The following ZNF337 variants were observed in gnomAD, a reference collection of about 807,000 sequenced individuals.
ZNF337 encodes zinc finger protein 337.
In ZNF337, 8 loss-of-function variants were observed where a neutral mutation model predicts 12.1. The ratio of observed to expected loss-of-function variants is 0.66; its 90% CI spans 0.39 to 1.19. The LOEUF is 1.19. Among genes scored for constraint, ZNF337 ranks in the 50% most tolerant of loss-of-function variants. The probability of loss-of-function intolerance (pLI) is 0.01; values close to 1 mark genes in which losing one functional copy is unlikely to be tolerated. For missense variants in ZNF337, 882 were observed against 896.6 expected, an observed-to-expected ratio of 0.98 and a Z score of 0.21; for synonymous variants, 336 against 320.0, an observed-to-expected ratio of 1.05 and a Z score of -0.53.
At chr20:25,690,210 T>C (rs540268587) in intron 1 of ZNF337, among the ~76,000 whole-genome samples, 1 of 152,276 alleles carries the variant, frequency 6.6e-6, no homozygotes, top group Non-Finnish European at 1.5e-5. Flanking sequence ...GAGGCAGCAA[T>C]GAGCCTTGAA....
In ZNF337 at chr20:25,685,651, A is replaced by G; in HGVS notation, c.166T>C (p.Ser56Pro). The G allele has an allele frequency of 6.2e-7, 1 of 1,613,950 alleles. No individual in the cohort carries two copies. The highest frequency in any genetic ancestry group is 2.2e-5 in the East Asian group (1 of 44,864). The change falls in exon 4 of 5, where the codon TCT becomes CCT. Residue 56 changes from serine (S) to proline (P), a missense_variant. Physicochemically the swap from Ser to Pro is moderately conservative, Grantham distance 74. Coordinates refer to ENST00000252979, the MANE Select transcript of ZNF337 (RefSeq NM_015655.4). The part of the protein sequence containing the change: ...SHLVSLGILH[S>P]KPELIRRLEQ... ...AGCCGCCTGATGAGTTCTGGTTTAG[A>G]ATGGAGAATTCCTGCTCACAGGGAA... is the stretch of plus-strand genomic sequence containing the variant.
At chr20:25,692,283 G>C (rs1380322098) in intron 1 of ZNF337, among the ~76,000 whole-genome samples, 1 of 152,192 alleles carries the variant, frequency 6.6e-6, no homozygotes, top group Admixed American at 6.5e-5. Flanking sequence ...GGTAATGAGT[G>C]AAATTAATAC....
At position 25,675,129 on chromosome 20, in the gene ZNF337, C is replaced by T. The variant is rs35755622; in HGVS notation, c.2159G>A (p.Arg720Gln). ...ERPYECQECGRKFSNKSYYSK... is the reference protein window; with the variant it reads ...ERPYECQECGQKFSNKSYYSK... ...GTAGTATGACTTATTGCTAAACTTT[C>T]GTCCACACTCTTGGCATTCATAAGG... Residue 720 changes from arginine to glutamine, a missense_variant, in exon 5 of 5, where the codon CGA (arginine) becomes CAA (glutamine). Arg to Gln is a conservative substitution (Grantham distance 43). Coordinates refer to ENST00000252979, the MANE Select transcript of ZNF337 (RefSeq NM_015655.4). The T allele has an allele frequency of 1.1e-3, 1,709 of 1,614,140 alleles. 11 individuals are homozygous for T. The African/African-American group carries it at 0.02, about 19-fold the overall frequency.
In ZNF337 at chr20:25,686,462, C is replaced by T. The variant is rs1185995704; in HGVS notation, c.-45G>A. 4 of 1,611,220 alleles carry T rather than the reference C, an allele frequency of 2.5e-6. No individual in the cohort carries two copies. The highest frequency in any genetic ancestry group is 3.4e-6 in the Non-Finnish European group (4 of 1,178,716). On this transcript the variant is annotated 5_prime_UTR_variant, in exon 2 of 5. An upstream open reading frame in the 5' UTR gains an earlier in-frame stop. Transcript: ENST00000252979. Reference sequence around the variant, plus strand: ...ACGGAGAAGGGAAGCTTGCAGATGGCCAATCTGTGGGAGGAGAGAAGTCAG... The same window carrying T: ...ACGGAGAAGGGAAGCTTGCAGATGGTCAATCTGTGGGAGGAGAGAAGTCAG...
intron 4 of ZNF337, among the ~76,000 whole-genome samples, chr20:25,685,194 C>T (rs1204569817): frequency 1.3e-5 from 2 of 150,030 alleles, no homozygotes; most frequent in Non-Finnish European, 3.0e-5. Context: ...TTTACTTACA[C>T]AGAAAAATAA....
chr20:25,681,023 T>C (rs2065762675), intron 4 of ZNF337: 1 of 152,186 alleles, frequency 6.6e-6, no homozygotes, highest in Non-Finnish European at 1.5e-5. Flanking sequence ...AATTCATATG[T>C]TGATGCCTTA....
Position 25,675,824 on chromosome 20 carries a change from A to G in ZNF337, c.1464T>C (p.Tyr488=), listed in dbSNP as rs1459637717. The G allele has an allele frequency of 4.3e-6, 7 of 1,613,624 alleles. No individual in the cohort carries two copies. Among genetic ancestry groups the G allele is most frequent in the South Asian group, 2.2e-5 (2 of 91,044 alleles). ...HQRTHSEEKP[Y]GCRECGRRFR... is the part of the protein sequence containing the mutation. ...ACCTTCGCCCACACTCCCGACATCC[A>G]TAAGGCTTCTCCTCTGAGTGTGTCC... The change falls in exon 5 of 5, where the codon TAT becomes TAC. Residue 488 remains tyrosine, a synonymous_variant. Transcript: ENST00000252979.
intron 1 of ZNF337, among the ~76,000 whole-genome samples, chr20:25,696,139 T>G (rs1415364180): frequency 1.6e-5 from 2 of 126,014 alleles, no homozygotes; most frequent in Non-Finnish European, 3.2e-5. Flanking sequence ...CGAGGACATT[T>G]GGTCCCGGCC....
rs754277330 is a variant in ZNF337, at chr20:25,676,637, A to G, written c.651T>C (p.Phe217=). The change falls in exon 5 of 5, where the codon TTT becomes TTC. Residue 217 remains phenylalanine, a synonymous_variant. Transcript: ENST00000252979. The stretch of plus-strand genomic sequence containing the variant: ...GCAAGAGCAATGCTGACTCATCTCT[A>G]AAGCCCTGGTGACACTCCCTGCATG... ...LFTCRECHQG[F]RDESALLLHQ... The G allele has an allele frequency of 6.2e-7, 1 of 1,614,134 alleles. No homozygotes were observed. The highest frequency in any genetic ancestry group is 8.5e-7 in the Non-Finnish European group (1 of 1,180,022).
Position 25,676,855 on chromosome 20 carries a change from T to C in ZNF337, c.433A>G (p.Arg145Gly). Reference sequence around the variant, plus strand: ...TCTATTTCCACTACACTGTTCCTCCTCCTTGAGCTTACTGCATGTCTTAGG... The same window carrying C: ...TCTATTTCCACTACACTGTTCCTCCCCCTTGAGCTTACTGCATGTCTTAGG... ...PPLRHAVSSR[R>G]RNSVVEIESS... The change falls in exon 5 of 5, where the codon AGG becomes GGG. Residue 145 changes from arginine (R) to glycine (G), a missense_variant. Arg to Gly is a moderately radical substitution (Grantham distance 125). Transcript: ENST00000252979. The C allele has an allele frequency of 1.9e-6, 3 of 1,614,168 alleles. No homozygotes were observed. The highest frequency in any genetic ancestry group is 2.5e-6 in the Non-Finnish European group (3 of 1,180,026).
At position 25,676,530 on chromosome 20, in the gene ZNF337, C is replaced by G. The variant is rs756918266; in HGVS notation, c.758G>C (p.Arg253Thr). ...RGFSLKANLL[R>T]HQRTHSGEKP... ...CTCTCCTGAGTGTGTCCTCTGGTGT[C>G]TGAGGAGGTTGGCCTTGAGGCTGAA... Residue 253 changes from arginine to threonine, a missense_variant, in exon 5 of 5, where the codon AGA (arginine) becomes ACA (threonine). By Grantham distance (71) the Arg-to-Thr change is moderately conservative (BLOSUM62 -1). Coordinates refer to ENST00000252979, the MANE Select transcript of ZNF337 (RefSeq NM_015655.4). The G allele has an allele frequency of 6.2e-6, 10 of 1,613,262 alleles. No individual in the cohort carries two copies. The highest frequency in any genetic ancestry group is 8.5e-6 in the Non-Finnish European group (10 of 1,179,770).
rs1413323220 is a variant in ZNF337, at chr20:25,681,747, A to C, written c.250+3820T>G. On this transcript the variant is annotated intron_variant, in intron 4 of 4. Coordinates refer to ENST00000252979, the MANE Select transcript of ZNF337 (RefSeq NM_015655.4). ...ATTACACAAAGTTATGCATATGTCA[A>C]AGCTCACTGAATGTTACACTTAAGA... Among the ~76,000 whole-genome samples, 14 of 152,208 alleles carry C rather than the reference A, an allele frequency of 9.2e-5. 1 individual carries two copies. The highest frequency in any genetic ancestry group is 1.5e-5 in the Non-Finnish European group (1 of 68,036).
chr20:25,695,677 G>A (rs1272225396), intron 1 of ZNF337, among the ~76,000 whole-genome samples: 8 of 152,154 alleles, frequency 5.3e-5, no homozygotes, highest in African/African-American at 9.7e-5. Context: ...AAGTAGCTGA[G>A]GCCACAGGCA....
chr20:25,693,156 A>C (rs1222152821), intron 1 of ZNF337, among the ~76,000 whole-genome samples: 1 of 152,198 alleles, frequency 6.6e-6, no homozygotes, highest in Non-Finnish European at 1.5e-5. Flanking sequence ...TGCTCACTGC[A>C]ACCTCCATCT....
chr20:25,688,375 A>G (rs1222890483), intron 1 of ZNF337, among the ~76,000 whole-genome samples: 2 of 152,200 alleles, frequency 1.3e-5, no homozygotes, highest in African/African-American at 4.8e-5. Flanking sequence ...TCTGTGAATA[A>G]AAAATTTTTT....
intron 4 of ZNF337, among the ~76,000 whole-genome samples, chr20:25,680,587 ACAGT>A (rs766474675): frequency 2.5e-4 from 38 of 152,206 alleles, no homozygotes; most frequent in Non-Finnish European, 4.4e-4. Flanking sequence ...TGGTACTATG[ACAGT>A]CAATGTGCTT....
At chr20:25,685,884 G>C (rs2065826525) in intron 3 of ZNF337, 112 bp downstream of exon 3, 1 of 1,485,438 alleles carries the variant, frequency 6.7e-7, no homozygotes, top group East Asian at 2.3e-5. Flanking sequence ...ACCAAAGCCA[G>C]ACCTTCCTCA....
At chr20:25,688,308 C>T (rs2065852647) in intron 1 of ZNF337, among the ~76,000 whole-genome samples, 1 of 151,128 alleles carries the variant, frequency 6.6e-6, no homozygotes, top group Admixed American at 6.6e-5. Flanking sequence ...AGTTCCTAAA[C>T]TGTGTGTTAC....
intron 1 of ZNF337, among the ~76,000 whole-genome samples, chr20:25,694,110 G>A (rs527439525): frequency 4.4e-4 from 67 of 152,320 alleles, no homozygotes; most frequent in Admixed American, 2.8e-3. Flanking sequence ...GAATAAGGAA[G>A]TGTTGATATT....
Sources: allele counts gnomAD v4.1 joint callset (sites outside exome capture counted in the v4.1 genomes callset), GRCh38; gene constraint gnomAD v4.1.1; transcripts MANE v1.5; gene names NCBI Gene and HGNC (gene_info 2026-07-23, HGNC 2026-07-21).